Variants in KIAA0319L observed in about 807,000 individuals in gnomAD.
The protein encoded by KIAA0319L is dyslexia-associated protein KIAA0319-like protein.
KIAA0319L carries 55 observed loss-of-function variants against 120.1 expected under a neutral mutation model. The observed-to-expected ratio is 0.46, with a 90% CI of 0.37 to 0.57. The LOEUF (loss-of-function observed/expected upper bound fraction) is 0.57. Ranked by LOEUF, KIAA0319L falls within the 20% of genes least tolerant of loss-of-function variation. The pLI is 0.00. For missense variants in KIAA0319L, 1,049 were observed against 1,255.3 expected, an observed-to-expected ratio of 0.84 and a Z score of 2.48; for synonymous variants, 398 against 471.9, an observed-to-expected ratio of 0.84 and a Z score of 2.03.
chr1:35,549,620 G>A (rs1363898362), intron 2 of KIAA0319L, among the ~76,000 whole-genome samples: 1 of 152,140 alleles, frequency 6.6e-6, no homozygotes. Flanking sequence ...GATTTCTAGG[G>A]CCAATTAGGT....
chr1:35,438,475 C>A (rs1039117407), intron 20 of KIAA0319L: 3 of 151,784 alleles, frequency 2.0e-5, no homozygotes, highest in Admixed American at 2.0e-4. Flanking sequence ...TTTCAGCTAG[C>A]CTTTCCCCTC....
chr1:35,459,426 C>A (rs1375358816), intron 9 of KIAA0319L, among the ~76,000 whole-genome samples: 1 of 151,804 alleles, frequency 6.6e-6, no homozygotes, highest in Non-Finnish European at 1.5e-5. Flanking sequence ...CTAACACGGT[C>A]TCTACTAAAA....
At position 35,462,690 on chromosome 1, in the gene KIAA0319L, T is replaced by A. The variant is rs779161449; in HGVS notation, c.1225A>T (p.Ile409Phe). ...TGGAACTGAGGTGACACAATAGCAA[T>A]GGGGGGCCGATTCTTACGGGGCTCT... ...KPEPRKNRPP[I>F]AIVSPQFQEI... is the part of the protein sequence containing the mutation. The change falls in exon 8 of 21, where the codon ATT (isoleucine) becomes TTT (phenylalanine). Residue 409 changes from isoleucine (I) to phenylalanine (F), a missense_variant. By Grantham distance (21) the Ile-to-Phe change is conservative (BLOSUM62 0). Transcript: ENST00000325722. The A allele has an allele frequency of 2.5e-6, 4 of 1,613,932 alleles. No individual in the cohort carries two copies. The highest frequency in any genetic ancestry group is 2.2e-5 in the East Asian group (1 of 44,878).
At chr1:35,521,743 T>C (rs975786156) in intron 2 of KIAA0319L, among the ~76,000 whole-genome samples, 4 of 151,850 alleles carry the variant, frequency 2.6e-5, no homozygotes, top group African/African-American at 9.6e-5. Context: ...GAGGCCAAGG[T>C]GGGCGGATCA....
chr1:35,463,701 G>A (rs1643057387), intron 7 of KIAA0319L, among the ~76,000 whole-genome samples: 1 of 152,232 alleles, frequency 6.6e-6, no homozygotes, highest in South Asian at 2.1e-4. Flanking sequence ...AGAAAGAAAA[G>A]AGCATTGAGA....
At chr1:35,489,516 C>A (rs1372687496) in intron 3 of KIAA0319L, among the ~76,000 whole-genome samples, 1 of 152,084 alleles carries the variant, frequency 6.6e-6, no homozygotes, top group Non-Finnish European at 1.5e-5. Flanking sequence ...AACTGGAAGT[C>A]TGGGAAAGAA....
At position 35,437,998 on chromosome 1, in the gene KIAA0319L, C is replaced by T. The variant is rs993309602; in HGVS notation, c.2963-2917G>A. ...CCCACTGACACCACGCTGTGTGAAT[C>T]ACTGTCAGCTCCTCCTTGGACCAAA... is the stretch of plus-strand genomic sequence containing the variant. On this transcript the variant is annotated intron_variant, in intron 20 of 20. Coordinates refer to ENST00000325722, the MANE Select transcript of KIAA0319L (RefSeq NM_024874.5). The surrounding 1 kb of genome is among the most constrained non-coding windows in gnomAD (Gnocchi z 4.1). Among the ~76,000 whole-genome samples the T allele has an allele frequency of 4.6e-5, 7 of 152,200 alleles. No individual in the cohort carries two copies. The highest frequency in any genetic ancestry group is 8.8e-5 in the Non-Finnish European group (6 of 68,038).
rs1250156612 is a variant in KIAA0319L, at chr1:35,433,607, T to A, written c.*1287A>T. 1 of 152,282 alleles carries A rather than the reference T, an allele frequency of 6.6e-6. No individual in the cohort carries two copies. The highest frequency in any genetic ancestry group is 1.5e-5 in the Non-Finnish European group (1 of 68,098). The allele number at this position is 152,282 out of a possible 1,614,324, so 9.4% of individuals were successfully genotyped here. ...AAGTTTCCATTCCCCAATACCCAGA[T>A]AACCATGGTGGAACAGGGCCAGGGT... On this transcript the variant is annotated 3_prime_UTR_variant, in exon 21 of 21. Coordinates refer to ENST00000325722, the MANE Select transcript of KIAA0319L (RefSeq NM_024874.5).
At chr1:35,496,236 A>C (rs1275889518) in intron 3 of KIAA0319L, among the ~76,000 whole-genome samples, 2 of 152,106 alleles carry the variant, frequency 1.3e-5, no homozygotes, top group African/African-American at 2.4e-5. Flanking sequence ...CCTGGCCAAC[A>C]TGGTGAAACC....
At chr1:35,441,955 A>T (rs1234846784) in intron 19 of KIAA0319L, among the ~76,000 whole-genome samples, 3 of 152,022 alleles carry the variant, frequency 2.0e-5, no homozygotes, top group African/African-American at 7.2e-5. Flanking sequence ...CCGGGTCTGT[A>T]CCCCTGGCCC....
intron 2 of KIAA0319L, chr1:35,533,358 G>A (rs77293099): frequency 2.0e-4 from 31 of 151,982 alleles, no homozygotes; most frequent in African/African-American, 7.2e-4. Context: ...GTGGAAATAA[G>A]AGTAGAGAGA....
intron 3 of KIAA0319L, among the ~76,000 whole-genome samples, chr1:35,497,876 A>G (rs1194773346): frequency 6.6e-6 from 1 of 152,248 alleles, no homozygotes; most frequent in Non-Finnish European, 1.5e-5. Flanking sequence ...GATTCCCAGA[A>G]GTAGAAGAAC....
In KIAA0319L at chr1:35,507,846, C is replaced by A. The variant is rs556310734; in HGVS notation, c.143-711G>T. On this transcript the variant is annotated intron_variant, in intron 2 of 20. Transcript: ENST00000325722. ...CATGTCATGATAAGAAATAATGGAA[C>A]CTAAGTACAACAGTGACATGCTATG... 4.6e-5 allele frequency among the ~76,000 whole-genome samples: 7 copies of A among 152,268 alleles called. No homozygotes were observed. In the East Asian group the frequency reaches 1.2e-3, roughly 25 times the overall value.
intron 3 of KIAA0319L, among the ~76,000 whole-genome samples, chr1:35,484,797 TATATATA>T (rs375172997): frequency 0.075 from 4,868 of 65,180 alleles, 294 homozygotes; most frequent in East Asian, 0.21. Flanking sequence ...TATATATATA[TATATATA>T]TATTTTTTTT....
In KIAA0319L at chr1:35,531,946, A is replaced by G. The variant is rs556805360; in HGVS notation, c.142+22404T>C. ...GGGCTATAGTGTTGCTAATAAAACT[A>G]ATCTCAATGGTTTCCAATAAGAGGA... On this transcript the variant is annotated intron_variant, in intron 2 of 20. Transcript: ENST00000325722. 2.0e-5 allele frequency among the ~76,000 whole-genome samples: 3 copies of G among 152,308 alleles called. No homozygotes were observed. The East Asian group carries it at 5.8e-4, about 29-fold the overall frequency.
intron 5 of KIAA0319L, among the ~76,000 whole-genome samples, chr1:35,473,612 G>T (rs1643772876): frequency 6.6e-6 from 1 of 152,142 alleles, no homozygotes; most frequent in African/African-American, 2.4e-5. Context: ...CTTGTCACCA[G>T]AGGAAGAAAG....
Position 35,466,651 on chromosome 1 carries a change from T to C in KIAA0319L, c.1158A>G (p.Gln386=), listed in dbSNP as rs775515980. 1 of 1,613,862 alleles carries C rather than the reference T, an allele frequency of 6.2e-7. No individual in the cohort carries two copies. Among genetic ancestry groups the C allele is most frequent in the South Asian group, 1.1e-5 (1 of 91,070 alleles). The change falls in exon 7 of 21, where the codon CAA becomes CAG. Residue 386 remains glutamine, a synonymous_variant. Coordinates refer to ENST00000325722, the MANE Select transcript of KIAA0319L (RefSeq NM_024874.5). The part of the protein sequence containing the change: ...LYEFKVIVEG[Q]NAHGEGYVNV... ...TCACATAGCCTTCCCCATGGGCATTTTGACCCTCTACAATCACTTTGAATT... is the reference window on the plus strand; with the variant it reads ...TCACATAGCCTTCCCCATGGGCATTCTGACCCTCTACAATCACTTTGAATT...
At chr1:35,442,847 C>T (rs954266750) in intron 18 of KIAA0319L, 59 bp downstream of exon 18, 1 of 1,607,366 alleles carries the variant, frequency 6.2e-7, no homozygotes, top group South Asian at 1.1e-5. Context: ...CCCACCCACT[C>T]AGTGCAGAAC....
chr1:35,468,001 A>G lies in KIAA0319L; in HGVS notation c.1114-1306T>C, dbSNP rs926062760. Among the ~76,000 whole-genome samples, 3 of 152,162 alleles carry G rather than the reference A, an allele frequency of 2.0e-5. No homozygotes were observed. The East Asian group carries it at 5.8e-4, about 29-fold the overall frequency. The stretch of plus-strand genomic sequence containing the variant: ...ACTGCACCCAGCCACAATCTTTTTA[A>G]TATTTATTTTAACGACCACAAAGCA... On this transcript the variant is annotated intron_variant, in intron 6 of 20. Coordinates refer to ENST00000325722, the MANE Select transcript of KIAA0319L (RefSeq NM_024874.5).
Sources: allele counts gnomAD v4.1 joint callset (sites outside exome capture counted in the v4.1 genomes callset), GRCh38; gene constraint gnomAD v4.1.1; non-coding constraint Gnocchi (gnomAD v3.1); transcripts MANE v1.5; gene names NCBI Gene and HGNC (gene_info 2026-07-23, HGNC 2026-07-21).